The following ATP2C2 variants were observed in gnomAD, a reference collection of about 807,000 sequenced individuals.
ATP2C2 encodes calcium-transporting ATPase type 2C member 2.
Under a neutral mutation model 110.8 loss-of-function variants are expected in ATP2C2, and 171 were observed. The observed-to-expected ratio is 1.54, with a 90% CI of 1.36 to 1.75. The LOEUF is 1.75. Among genes scored for constraint, ATP2C2 ranks in the 40% most tolerant of loss-of-function variants. The probability of loss-of-function intolerance (pLI) is 0.00; values close to 1 mark genes in which losing one functional copy is unlikely to be tolerated. For missense variants in ATP2C2, 1,963 were observed against 1,235.0 expected, an observed-to-expected ratio of 1.59 and a Z score of -8.84; for synonymous variants, 804 against 508.4, an observed-to-expected ratio of 1.58 and a Z score of -7.82.
At position 84,415,507 on chromosome 16, in the gene ATP2C2, C is replaced by A. The variant is rs757738355; in HGVS notation, c.540C>A (p.His180Gln). 1.2e-6 allele frequency: 2 copies of A among 1,614,052 alleles called. No individual in the cohort carries two copies. Among genetic ancestry groups the A allele is most frequent in the Admixed American group, 1.7e-5 (1 of 60,004 alleles). The change falls in exon 7 of 27, where the codon CAC (histidine) becomes CAA (glutamine). Residue 180 changes from histidine to glutamine, a missense_variant. By Grantham distance (24) the His-to-Gln change is conservative. Transcript: ENST00000262429. ...GCCTAAGAGAAGGAAAACTCCAGCACCTGCTTGCTCGAGAACTGGTTCCTG... is the reference window on the plus strand; with the variant it reads ...GCCTAAGAGAAGGAAAACTCCAGCAACTGCTTGCTCGAGAACTGGTTCCTG... ...CNCLREGKLQ[H>Q]LLARELVPGD...
chr16:84,426,939 C>A (rs1567716078), intron 11 of ATP2C2, among the ~76,000 whole-genome samples: 1 of 152,168 alleles, frequency 6.6e-6, no homozygotes, highest in Non-Finnish European at 1.5e-5. Context: ...AGCCCAGCAT[C>A]GTGCAGCGGT....
chr16:84,461,618 A>T (rs369750), intron 24 of ATP2C2, 96 bp from the exon 25 acceptor site: 1 of 1,117,294 alleles, frequency 9.0e-7, no homozygotes, highest in African/African-American at 1.5e-5. Context: ...GCTCCCAGCC[A>T]TGCCCCAGGA....
intron 20 of ATP2C2, 120 bp from the exon 21 acceptor site, chr16:84,454,698 G>A: frequency 9.4e-7 from 1 of 1,063,684 alleles, no homozygotes; most frequent in Non-Finnish European, 1.3e-6. Flanking sequence ...GTGAAGCTGG[G>A]ATTCGAATTC....
chr16:84,415,160 T>C (rs1259813120), intron 6 of ATP2C2, among the ~76,000 whole-genome samples: 1 of 152,100 alleles, frequency 6.6e-6, no homozygotes, highest in Non-Finnish European at 1.5e-5. Context: ...GACAAAACTC[T>C]GCCGGCTGCA....
chr16:84,453,360 A>G lies in ATP2C2; in HGVS notation c.1969A>G (p.Lys657Glu). Residue 657 changes from lysine (K) to glutamate (E), a missense_variant, in exon 20 of 27, where the codon AAA becomes GAA. By Grantham distance (56) the Lys-to-Glu change is moderately conservative. Coordinates refer to ENST00000262429, the MANE Select transcript of ATP2C2 (RefSeq NM_014861.4). The part of the protein sequence containing the change: ...FFRTSPKHKL[K>E]IIKALQESGA... Reference sequence around the variant, plus strand: ...CAGGACCAGCCCAAAGCACAAGCTCAAAATCATCAAGGTTCGCTGGGCAAG... The same window carrying G: ...CAGGACCAGCCCAAAGCACAAGCTCGAAATCATCAAGGTTCGCTGGGCAAG... 6.2e-7 allele frequency: 1 copy of G among 1,614,150 alleles called. No homozygotes were observed.
rs75789899 is a variant in ATP2C2 at position 84,390,675 on chromosome 16, G to C, written c.100-7824G>C. On this transcript the variant is annotated intron_variant, in intron 1 of 26. Transcript: ENST00000262429. ...TGGGCACAGGATTTTCCTCTGGCGG[G>C]CGGTGAAAGTGTTTGGGGATGAGCT... 3.1e-4 allele frequency among the ~76,000 whole-genome samples: 47 copies of C among 152,300 alleles called. No individual in the cohort carries two copies. The East Asian group carries it at 8.7e-3, about 28-fold the overall frequency.
intron 7 of ATP2C2, 127 bp from the exon 8 acceptor site, chr16:84,422,263 C>G (rs1364663992): frequency 7.8e-6 from 9 of 1,151,486 alleles, no homozygotes; most frequent in Middle Eastern, 2.6e-4. Flanking sequence ...CGTTGTGACA[C>G]TCATTCTGTA....
At chr16:84,415,440 A>G (rs1173448330) in intron 6 of ATP2C2, 43 bp from the exon 7 acceptor site, 1 of 1,535,534 alleles carries the variant, frequency 6.5e-7, no homozygotes, top group Non-Finnish European at 9.0e-7. Flanking sequence ...ATAAAAACAA[A>G]TGTCAGCATG....
intron 2 of ATP2C2, among the ~76,000 whole-genome samples, chr16:84,400,307 A>G (rs898971191): frequency 6.6e-6 from 1 of 150,958 alleles, no homozygotes; most frequent in Admixed American, 6.6e-5. Flanking sequence ...GGATCATATA[A>G]TAGTTGTATT....
intron 7 of ATP2C2, 105 bp downstream of exon 7, chr16:84,415,696 C>T (rs1414583101): frequency 2.3e-6 from 2 of 870,444 alleles, no homozygotes; most frequent in East Asian, 2.6e-5. Context: ...TACACACATG[C>T]TCAAACATAC....
At chr16:84,375,540 CAA>C (rs34953788) in intron 1 of ATP2C2, among the ~76,000 whole-genome samples, 43,931 of 130,644 alleles carry the variant, frequency 0.34, 6,883 homozygotes, top group African/African-American at 0.47. Flanking sequence ...GACTCTGTCT[CAA>C]AAAAAAAAAA....
chr16:84,423,304 G>A (rs367627914), intron 10 of ATP2C2, 41 bp downstream of exon 10: 5 of 1,575,490 alleles, frequency 3.2e-6, no homozygotes, highest in Non-Finnish European at 4.4e-6. Flanking sequence ...TTCTGCAGAT[G>A]GAGGGGAGCC....
intron 24 of ATP2C2, chr16:84,461,002 G>C (rs896116711): frequency 1.4e-6 from 1 of 714,950 alleles, no homozygotes; most frequent in East Asian, 2.9e-5. Flanking sequence ...AGGTCGCCAG[G>C]TGTGTGCCTG....
intron 6 of ATP2C2, among the ~76,000 whole-genome samples, chr16:84,414,617 C>T (rs574127223): frequency 6.6e-6 from 1 of 152,334 alleles, no homozygotes; most frequent in East Asian, 1.9e-4. Context: ...GCATGACCCA[C>T]TCCCCAGAGC....
At chr16:84,456,320 T>G (rs945954394) in intron 21 of ATP2C2, among the ~76,000 whole-genome samples, 72 of 151,890 alleles carry the variant, frequency 4.7e-4, no homozygotes, top group African/African-American at 8.7e-4. Flanking sequence ...GTTATTGGTC[T>G]ATTCAGAGAT....
chr16:84,435,700 T>C (rs1275443200), intron 11 of ATP2C2, among the ~76,000 whole-genome samples: 1 of 86,982 alleles, frequency 1.1e-5, no homozygotes, highest in African/African-American at 4.2e-5. Flanking sequence ...TAGTGGTGCA[T>C]GCCTATGTCC....
intron 6 of ATP2C2, among the ~76,000 whole-genome samples, chr16:84,414,934 G>A (rs139286521): frequency 1.0e-3 from 152 of 152,266 alleles, no homozygotes; most frequent in African/African-American, 3.5e-3. Context: ...GGTTGAAGGG[G>A]CCAGGTCGGA....
chr16:84,442,566 C>A lies in ATP2C2; in HGVS notation c.1368C>A (p.Pro456=). The A allele has an allele frequency of 6.2e-7, 1 of 1,614,120 alleles. No homozygotes were observed. The highest frequency in any genetic ancestry group is 8.5e-7 in the Non-Finnish European group (1 of 1,179,988). ...GAAAGAACGCCGTGATGGGGCAGCCCACCGAGGGTGCATTGATGGCCCTGG... is the reference window on the plus strand; with the variant it reads ...GAAAGAACGCCGTGATGGGGCAGCCAACCGAGGGTGCATTGATGGCCCTGG... ...VIRKNAVMGQ[P]TEGALMALAM... is the part of the protein sequence containing the mutation. Residue 456 remains proline, a synonymous_variant, in exon 15 of 27, where the codon CCC becomes CCA. Transcript: ENST00000262429.
At chr16:84,404,027 C>T (rs775632614) in intron 2 of ATP2C2, among the ~76,000 whole-genome samples, 15 of 152,298 alleles carry the variant, frequency 9.8e-5, no homozygotes, top group Middle Eastern at 6.8e-3. Flanking sequence ...GATGAAGAGA[C>T]GCATAGGGCA....
Sources: gnomAD v4.1 joint callset for allele counts (sites outside exome capture counted in the v4.1 genomes callset) on GRCh38, gnomAD v4.1.1 for gene constraint, MANE v1.5 for transcripts, NCBI Gene and HGNC (gene_info 2026-07-23, HGNC 2026-07-21) for gene names.